The following SCFD2 variants were observed in gnomAD, a reference collection of about 807,000 sequenced individuals.
SCFD2 encodes the protein sec1 family domain containing 2.
In SCFD2, 54 loss-of-function variants were observed where a neutral mutation model predicts 58.9. The observed-to-expected ratio is 0.92, with a 90% CI of 0.74 to 1.15. SCFD2 has a LOEUF of 1.15. Among genes scored for constraint, SCFD2 ranks in the 50% most tolerant of loss-of-function variants. The pLI, the probability that SCFD2 is intolerant of heterozygous loss-of-function variation, is 0.00. For synonymous variants in SCFD2, 321 were observed against 335.9 expected, an observed-to-expected ratio of 0.96 and a Z score of 0.49; for missense variants, 805 against 836.6, an observed-to-expected ratio of 0.96 and a Z score of 0.47.
chr4:53,355,821 G>A (rs915517530), intron 1 of SCFD2, among the ~76,000 whole-genome samples: 1 of 152,136 alleles, frequency 6.6e-6, no homozygotes, highest in African/African-American at 2.4e-5. Context: ...CATTGCACTT[G>A]CCATTCCCTG....
At chr4:52,945,572 G>C (rs1047739367) in intron 5 of SCFD2, 1 of 152,134 alleles carries the variant, frequency 6.6e-6, no homozygotes, top group African/African-American at 2.4e-5. Flanking sequence ...ATGGAAAAAT[G>C]AGTTGTACTT....
At chr4:53,068,594 ATAT>A (rs1483000022) in intron 5 of SCFD2, among the ~76,000 whole-genome samples, 1 of 151,984 alleles carries the variant, frequency 6.6e-6, no homozygotes, top group East Asian at 1.9e-4. Context: ...AATATTCTGC[ATAT>A]TATTTTGATT....
intron 4 of SCFD2, among the ~76,000 whole-genome samples, chr4:53,227,304 GA>G (rs1208422779): frequency 6.6e-6 from 1 of 151,924 alleles, no homozygotes; most frequent in Non-Finnish European, 1.5e-5. Context: ...TTTTAAAGAG[GA>G]AAAAAATGGC....
intron 4 of SCFD2, among the ~76,000 whole-genome samples, chr4:53,154,226 G>A (rs768026775): frequency 3.9e-5 from 6 of 152,166 alleles, no homozygotes; most frequent in Non-Finnish European, 8.8e-5. Flanking sequence ...AAAGAAAAGA[G>A]GTTAATTTCT....
intron 4 of SCFD2, among the ~76,000 whole-genome samples, chr4:53,148,962 A>G (rs1283394774): frequency 1.3e-5 from 2 of 152,232 alleles, no homozygotes; most frequent in African/African-American, 2.4e-5. Context: ...GTGAGCTATG[A>G]TTGTGCCAGT....
chr4:53,089,602 T>A (rs1175394840), intron 5 of SCFD2, among the ~76,000 whole-genome samples: 1 of 152,148 alleles, frequency 6.6e-6, no homozygotes, highest in East Asian at 1.9e-4. Context: ...AGTAGGCAAA[T>A]TAAATATTTA....
chr4:52,954,455 C>T (rs1050675530), intron 5 of SCFD2, among the ~76,000 whole-genome samples: 2 of 152,178 alleles, frequency 1.3e-5, no homozygotes, highest in African/African-American at 4.8e-5. Flanking sequence ...GGCTACAATC[C>T]AGCTCCCTTG....
At chr4:53,006,553 T>G (rs1656424863) in intron 5 of SCFD2, among the ~76,000 whole-genome samples, 1 of 152,244 alleles carries the variant, frequency 6.6e-6, no homozygotes, top group African/African-American at 2.4e-5. Context: ...CTTGCTGAGT[T>G]ACCTAAGTTA....
intron 4 of SCFD2, among the ~76,000 whole-genome samples, chr4:53,233,017 C>G (rs17082533): frequency 0.018 from 2,776 of 152,238 alleles, 92 homozygotes; most frequent in African/African-American, 0.063. Flanking sequence ...CTCTCGGAAT[C>G]CTTAAGTCAG....
chr4:52,948,390 A>C, intron 5 of SCFD2: 1 of 314,226 alleles, frequency 3.2e-6, no homozygotes, highest in Non-Finnish European at 6.5e-6. Context: ...ATTTCAGTCA[A>C]AGGGCCTGGA....
chr4:52,985,339 T>A (rs1721464374), intron 5 of SCFD2, among the ~76,000 whole-genome samples: 1 of 152,210 alleles, frequency 6.6e-6, no homozygotes, highest in Non-Finnish European at 1.5e-5. Context: ...TCATTTTGGT[T>A]ATTTCCAGTA....
chr4:52,988,762 T>C (rs1201245721), intron 5 of SCFD2, among the ~76,000 whole-genome samples: 1 of 152,218 alleles, frequency 6.6e-6, no homozygotes, highest in African/African-American at 2.4e-5. Flanking sequence ...CAGGAATACA[T>C]TTCCATTTTA....
chr4:53,145,040 G>A (rs114777627), intron 5 of SCFD2, among the ~76,000 whole-genome samples: 5 of 152,290 alleles, frequency 3.3e-5, no homozygotes, highest in African/African-American at 9.6e-5. Context: ...GTGCACATAT[G>A]AGGGATCTAG....
chr4:52,934,099 A>G (rs992595374), intron 5 of SCFD2, among the ~76,000 whole-genome samples: 2 of 152,242 alleles, frequency 1.3e-5, no homozygotes, highest in Admixed American at 6.5e-5. Flanking sequence ...TAGCAACACA[A>G]AGTGGACTAA....
At chr4:53,114,606 A>G (rs1725268018) in intron 5 of SCFD2, among the ~76,000 whole-genome samples, 1 of 152,180 alleles carries the variant, frequency 6.6e-6, no homozygotes, top group Non-Finnish European at 1.5e-5. Flanking sequence ...CTGAAAGAAA[A>G]ATACATTCAA....
intron 4 of SCFD2, among the ~76,000 whole-genome samples, chr4:53,188,704 C>A (rs1262258375): frequency 6.6e-6 from 1 of 151,956 alleles, no homozygotes; most frequent in Non-Finnish European, 1.5e-5. Context: ...TAACTCATGC[C>A]TTTTCAAAAC....
At chr4:53,230,849 G>T (rs1311150594) in intron 4 of SCFD2, among the ~76,000 whole-genome samples, 1 of 151,978 alleles carries the variant, frequency 6.6e-6, no homozygotes, top group Non-Finnish European at 1.5e-5. Flanking sequence ...GATCTCTGAG[G>T]TATAATTTTG....
At chr4:53,328,970 A>G (rs1244124518) in intron 2 of SCFD2, among the ~76,000 whole-genome samples, 1 of 152,242 alleles carries the variant, frequency 6.6e-6, no homozygotes, top group Non-Finnish European at 1.5e-5. Context: ...TTCCGAGTCA[A>G]AGAAAGGGGT....
chr4:53,096,705 G>A (rs1393192653), intron 5 of SCFD2, among the ~76,000 whole-genome samples: 2 of 152,140 alleles, frequency 1.3e-5, no homozygotes, highest in African/African-American at 4.8e-5. Context: ...CTGTGCAGAA[G>A]CTCTTTCATT....
Sources: gnomAD v4.1 joint callset for allele counts (sites outside exome capture counted in the v4.1 genomes callset) on GRCh38, gnomAD v4.1.1 for gene constraint, MANE v1.5 for transcripts, NCBI Gene and HGNC (gene_info 2026-07-23, HGNC 2026-07-21) for gene names.